The following ONECUT2 variants were observed in gnomAD, a reference collection of about 807,000 sequenced individuals.
The protein encoded by ONECUT2 is one cut homeobox 2.
ONECUT2 carries 10 observed loss-of-function variants against 27.9 expected under a neutral mutation model. That is an observed-to-expected ratio of 0.36 (90% CI 0.22 to 0.61). The LOEUF (loss-of-function observed/expected upper bound fraction) is 0.61, where lower values mean the gene tolerates loss of function less well. Ranked by LOEUF, ONECUT2 falls within the 20% of genes least tolerant of loss-of-function variation. ONECUT2 has a pLI of 0.73. For missense variants in ONECUT2, 686 were observed against 721.0 expected (o/e 0.95, Z 0.56); for synonymous variants, 334 against 315.1 (o/e 1.06, Z -0.64).
chr18:57,472,196 C>T (rs3892142), intron 1 of ONECUT2, among the ~76,000 whole-genome samples: 3,908 of 152,298 alleles, frequency 0.026, 76 homozygotes, highest in South Asian at 0.072. Flanking sequence ...GAGCTATTGA[C>T]ACTTTCCTGG....
chr18:57,466,991 C>A (rs1040878263), intron 1 of ONECUT2, among the ~76,000 whole-genome samples: 7 of 152,360 alleles, frequency 4.6e-5, no homozygotes, highest in South Asian at 2.1e-4. Context: ...GGGGCCTGAA[C>A]CTTCCCCTGG....
At chr18:57,462,565 T>G (rs990756367) in intron 1 of ONECUT2, among the ~76,000 whole-genome samples, 1 of 151,874 alleles carries the variant, frequency 6.6e-6, no homozygotes, top group African/African-American at 2.4e-5. Flanking sequence ...CTTCTTAAAA[T>G]TGTTTTTTGT....
rs946351694 is a variant in ONECUT2, at chr18:57,465,975, G to T, written c.1229-10462G>T. Among the ~76,000 whole-genome samples the T allele has an allele frequency of 3.3e-5, 5 of 152,282 alleles. 1 individual carries two copies. The highest frequency in any genetic ancestry group is 3.3e-4 in the Admixed American group (5 of 15,290). ...AATGGAATACACACGACAACCCCCG[G>T]TATACTGCACATCGAGGGCTCCTCT... On this transcript the variant is annotated intron_variant, in intron 1 of 1. Coordinates refer to ENST00000491143, the MANE Select transcript of ONECUT2 (RefSeq NM_004852.3).
intron 1 of ONECUT2, among the ~76,000 whole-genome samples, chr18:57,453,591 T>C (rs1381769418): frequency 6.6e-6 from 1 of 152,306 alleles, no homozygotes; most frequent in Admixed American, 6.5e-5. Flanking sequence ...TAGTAGTTCT[T>C]GTGTTTTTAT....
At chr18:57,446,772 G>A (rs1275458160) in intron 1 of ONECUT2, among the ~76,000 whole-genome samples, 6 of 152,162 alleles carry the variant, frequency 3.9e-5, no homozygotes, top group Non-Finnish European at 5.9e-5. Flanking sequence ...GCTGTCATAG[G>A]TGAGGTGATT....
At position 57,480,406 on chromosome 18, in the gene ONECUT2, A is replaced by G. The variant is rs1000349451; in HGVS notation, c.*3683A>G. The G allele has an allele frequency of 2.6e-5, 4 of 152,194 alleles. No homozygotes were observed. Among genetic ancestry groups the G allele is most frequent in the Admixed American group, 6.5e-5 (1 of 15,274 alleles). 9.4% of individuals were successfully genotyped at this position (152,194 alleles called of 1,614,324 possible). A position where few individuals can be genotyped will look rare whatever the true frequency, so the allele number is the denominator to read the frequency against. ...GCTCTTTTCCAGACTGGATTGAGGA[A>G]TGGAGCCTGTTTGATTTGGTTAGTG... On this transcript the variant is annotated 3_prime_UTR_variant, in exon 2 of 2. Transcript: ENST00000491143.
At position 57,436,297 on chromosome 18, in the gene ONECUT2, G is replaced by T; in HGVS notation, c.581G>T (p.Ser194Ile). The T allele has an allele frequency of 6.2e-7, 1 of 1,604,308 alleles. No individual in the cohort carries two copies. Among genetic ancestry groups the T allele is most frequent in the Non-Finnish European group, 8.5e-7 (1 of 1,179,616 alleles). ...CGCCTGTCCGGCAACGTCAGCGGCA[G>T]CTTCACCCTCATGCGCGACGAGCGC... ...HQRLSGNVSG[S>I]FTLMRDERGL... The change falls in exon 1 of 2, where the codon AGC (serine) becomes ATC (isoleucine). Residue 194 changes from serine to isoleucine, a missense_variant. Transcript: ENST00000491143. This position sits in a 1 kb window ranked among gnomAD's most constrained non-coding sequence, Gnocchi z 5.9.
Position 57,488,264 on chromosome 18 carries a change from A to T in ONECUT2, c.*11541A>T, listed in dbSNP as rs977304809. ...ATTGGCTTTTGTAAGACAATTGATG[A>T]TTGTAATAGTGTTTAATCTTCCAGA... On this transcript the variant is annotated 3_prime_UTR_variant, in exon 2 of 2. Coordinates refer to ENST00000491143, the MANE Select transcript of ONECUT2 (RefSeq NM_004852.3). The T allele has an allele frequency of 3.9e-5, 6 of 152,618 alleles. No individual in the cohort carries two copies. The highest frequency in any genetic ancestry group is 1.5e-5 in the Non-Finnish European group (1 of 68,028). The allele number at this position is 152,618 out of a possible 1,614,324, so 9.5% of individuals were successfully genotyped here.
At position 57,483,689 on chromosome 18, in the gene ONECUT2, A is replaced by T. The variant is rs781107460; in HGVS notation, c.*6966A>T. 6 of 152,610 alleles carry T rather than the reference A, an allele frequency of 3.9e-5. No individual in the cohort carries two copies. Among genetic ancestry groups the T allele is most frequent in the Non-Finnish European group, 8.8e-5 (6 of 68,038 alleles). 9.5% of individuals were successfully genotyped at this position (152,610 alleles called of 1,614,324 possible). On this transcript the variant is annotated 3_prime_UTR_variant, in exon 2 of 2. Coordinates refer to ENST00000491143, the MANE Select transcript of ONECUT2 (RefSeq NM_004852.3). The stretch of plus-strand genomic sequence containing the variant: ...GAAATTCTGTTACAGACAGGGAAGA[A>T]ATACAGGTTACAAAAAGAGAATTTG...
intron 1 of ONECUT2, among the ~76,000 whole-genome samples, chr18:57,470,796 C>A (rs778550318): frequency 1.3e-5 from 2 of 152,088 alleles, no homozygotes; most frequent in Non-Finnish European, 2.9e-5. Context: ...ACCACACACA[C>A]ACACACACAA....
chr18:57,436,231 C>A lies in ONECUT2; in HGVS notation c.515C>A (p.Pro172Gln). Residue 172 changes from proline (P) to glutamine (Q), a missense_variant, in exon 1 of 2, where the codon CCG becomes CAG. This residue lies in a region of ONECUT2 where 511 missense variants were observed against 488.1 expected (regional missense o/e 1.05). Transcript: ENST00000491143. The surrounding 1 kb of genome is among the most constrained non-coding windows in gnomAD (Gnocchi z 5.9). ...TCTGACAAGTTCCACCACCCTCACC[C>A]GCACCACCATCCGCACCACCACCAC... ...TVSDKFHHPH[P>Q]HHHPHHHHHH... 1 of 1,603,330 alleles carries A rather than the reference C, an allele frequency of 6.2e-7. No individual in the cohort carries two copies. Among genetic ancestry groups the A allele is most frequent in the East Asian group, 2.3e-5 (1 of 44,400 alleles).
intron 1 of ONECUT2, among the ~76,000 whole-genome samples, chr18:57,469,409 A>G (rs990324078): frequency 9.2e-5 from 14 of 152,192 alleles, no homozygotes; most frequent in African/African-American, 3.4e-4. Flanking sequence ...GTATTTACTG[A>G]ATGCAAGGAG....
rs773178147 is a variant in ONECUT2, at chr18:57,436,074, C to A, written c.358C>A (p.Arg120=). Residue 120 remains arginine (R), a synonymous_variant, in exon 1 of 2, where the codon CGG becomes AGG. Transcript: ENST00000491143. The surrounding 1 kb of genome is among the most constrained non-coding windows in gnomAD (Gnocchi z 5.9). Reference sequence around the variant, plus strand: ...CTCGATCCTGGACGGCGGCGACTACCGGCCCGAGCTCTCCATCCCGCTGCA... The same window carrying A: ...CTCGATCCTGGACGGCGGCGACTACAGGCCCGAGCTCTCCATCCCGCTGCA... ...MASILDGGDY[R]PELSIPLHHA... is the part of the protein sequence containing the mutation. 15 of 1,596,922 alleles carry A rather than the reference C, an allele frequency of 9.4e-6. No individual in the cohort carries two copies. Among genetic ancestry groups the A allele is most frequent in the Admixed American group, 1.7e-5 (1 of 59,916 alleles).
rs1344667453 is a variant in ONECUT2, at chr18:57,482,434, G to C, written c.*5711G>C. 1.3e-5 allele frequency: 2 copies of C among 152,202 alleles called. No homozygotes were observed. Among genetic ancestry groups the C allele is most frequent in the Non-Finnish European group, 2.9e-5 (2 of 68,042 alleles). The allele number at this position is 152,202 out of a possible 1,614,324, so 9.4% of individuals were successfully genotyped here. ...TATTCTCACACACCAAAATGACTCT[G>C]ACAGCCTGAAGCAGTTATTGCTAGA... On this transcript the variant is annotated 3_prime_UTR_variant, in exon 2 of 2. Transcript: ENST00000491143.
intron 1 of ONECUT2, among the ~76,000 whole-genome samples, chr18:57,440,568 A>G (rs964734003): frequency 2.0e-5 from 3 of 152,166 alleles, no homozygotes; most frequent in African/African-American, 7.2e-5. Flanking sequence ...TCTGAAGCCA[A>G]TTCTGTTCAG....
intron 1 of ONECUT2, among the ~76,000 whole-genome samples, chr18:57,472,357 G>A (rs556394804): frequency 6.6e-6 from 1 of 152,164 alleles, no homozygotes; most frequent in South Asian, 2.1e-4. Context: ...GCTCCCAGAC[G>A]TCATTGGATC....
chr18:57,487,766 G>A lies in ONECUT2; in HGVS notation c.*11043G>A, dbSNP rs559943355. The A allele has an allele frequency of 3.9e-5, 6 of 152,304 alleles. No homozygotes were observed. In the East Asian group the frequency reaches 9.6e-4, roughly 24 times the overall value. The allele number at this position is 152,304 out of a possible 1,614,324, so 9.4% of individuals were successfully genotyped here. ...CATCTAAAAGGTAATATAAGAAGAA[G>A]TTTTGAAACCCACTTTAGGAAAACC... On this transcript the variant is annotated 3_prime_UTR_variant, in exon 2 of 2. Coordinates refer to ENST00000491143, the MANE Select transcript of ONECUT2 (RefSeq NM_004852.3).
At chr18:57,474,603 A>G (rs1489906506) in intron 1 of ONECUT2, among the ~76,000 whole-genome samples, 1 of 152,072 alleles carries the variant, frequency 6.6e-6, no homozygotes, top group African/African-American at 2.4e-5. Context: ...AAGGGCACTA[A>G]CCCTATTCCT....
At chr18:57,471,290 C>T (rs147044647) in intron 1 of ONECUT2, among the ~76,000 whole-genome samples, 27 of 152,278 alleles carry the variant, frequency 1.8e-4, no homozygotes, top group South Asian at 4.2e-4. Context: ...GCTCCTAGAA[C>T]GCCCAGGAGC....
Sources: gnomAD v4.1 joint callset for allele counts (sites outside exome capture counted in the v4.1 genomes callset) on GRCh38, gnomAD v4.1.1 for gene constraint, gnomAD v4.1.1 regional missense constraint, Gnocchi (gnomAD v3.1) non-coding constraint, MANE v1.5 for transcripts, NCBI Gene and HGNC (gene_info 2026-07-23, HGNC 2026-07-21) for gene names.